BACE2: variants seen among roughly 807,000 people sequenced by gnomAD.
BACE2 encodes beta-secretase 2.
In BACE2, 17 loss-of-function variants were observed where a neutral mutation model predicts 46.2. The observed-to-expected ratio is 0.37, with a 90% CI of 0.25 to 0.55. BACE2 has a LOEUF of 0.55. Among genes scored for constraint, BACE2 ranks in the 20% least tolerant of loss-of-function variants. The probability of loss-of-function intolerance (pLI) is 0.82; values close to 1 mark genes in which losing one functional copy is unlikely to be tolerated. For missense variants in BACE2, 595 were observed against 698.1 expected (o/e 0.85, Z 1.66); for synonymous variants, 277 against 295.9 (o/e 0.94, Z 0.66).
chr21:41,257,629 C>T (rs1004262428), intron 8 of BACE2, among the ~76,000 whole-genome samples: 1 of 152,176 alleles, frequency 6.6e-6, no homozygotes, highest in Non-Finnish European at 1.5e-5. Flanking sequence ...AATTTTTCGA[C>T]AGTTTAAGCA....
intron 2 of BACE2, among the ~76,000 whole-genome samples, chr21:41,235,854 A>AAATGAATGAATG (rs150387265): frequency 0.014 from 2,101 of 151,646 alleles, 46 homozygotes; most frequent in African/African-American, 0.046. Context: ...AAGAAATAAT[A>AAATGAATGAATG]AATGAATGAA....
intron 8 of BACE2, among the ~76,000 whole-genome samples, chr21:41,271,017 C>T (rs2088429112): frequency 1.3e-5 from 2 of 151,934 alleles, no homozygotes; most frequent in Non-Finnish European, 2.9e-5. Context: ...ATTTTTATGT[C>T]CTATTTATGA....
At chr21:41,256,723 C>T (rs1308234962) in intron 7 of BACE2, among the ~76,000 whole-genome samples, 1 of 152,180 alleles carries the variant, frequency 6.6e-6, no homozygotes, top group African/African-American at 2.4e-5. Flanking sequence ...ATTGATGTCT[C>T]ATGTCTCTCA....
intron 8 of BACE2, among the ~76,000 whole-genome samples, chr21:41,259,805 T>G (rs1250415889): frequency 6.7e-6 from 1 of 149,310 alleles, no homozygotes; most frequent in Non-Finnish European, 1.5e-5. Context: ...TTTCTTTCTT[T>G]TGTTTTCTTT....
At chr21:41,226,778 A>G (rs1986831502) in intron 2 of BACE2, among the ~76,000 whole-genome samples, 1 of 152,122 alleles carries the variant, frequency 6.6e-6, no homozygotes, top group Non-Finnish European at 1.5e-5. Context: ...AGCTGAAGGG[A>G]TACATGGAAA....
intron 1 of BACE2, among the ~76,000 whole-genome samples, chr21:41,221,964 G>T (rs968915308): frequency 1.4e-4 from 21 of 152,220 alleles, no homozygotes; most frequent in African/African-American, 5.1e-4. Flanking sequence ...GGCGGAGGCA[G>T]CAGGAGCTGT....
chr21:41,235,418 C>T (rs146633719), intron 2 of BACE2, among the ~76,000 whole-genome samples: 1 of 152,344 alleles, frequency 6.6e-6, no homozygotes, highest in Non-Finnish European at 1.5e-5. Context: ...ACATCACGAC[C>T]ATCCTGGCAC....
In BACE2 at chr21:41,168,686, C is replaced by T. The variant is rs1340871559; in HGVS notation, c.312+111C>T. On this transcript the variant is annotated intron_variant, in intron 1 of 8. Transcript: ENST00000330333. ...TCGCCCCCAAAGCAGCAGCTGTCCC[C>T]GCACAGAAGAGCGGGGAACGCAGAG... The T allele has an allele frequency of 6.0e-6, 5 of 834,810 alleles. No individual in the cohort carries two copies. The African/African-American group carries it at 8.9e-5, about 15-fold the overall frequency. 51.7% of individuals were successfully genotyped at this position (834,810 alleles called of 1,614,324 possible).
chr21:41,246,900 C>T (rs1987485480), intron 6 of BACE2, among the ~76,000 whole-genome samples: 3 of 152,144 alleles, frequency 2.0e-5, no homozygotes, highest in Admixed American at 1.3e-4. Flanking sequence ...GGGTCAAATG[C>T]TTGGTGTTTA....
rs563603374 is a variant in BACE2 at position 41,220,185 on chromosome 21, T to C, written c.313-6081T>C. Among the ~76,000 whole-genome samples, 3 of 151,862 alleles carry C rather than the reference T, an allele frequency of 2.0e-5. No individual in the cohort carries two copies. The South Asian group carries it at 6.3e-4, about 32-fold the overall frequency. On this transcript the variant is annotated intron_variant, in intron 1 of 8. Transcript: ENST00000330333. ...ATGAAGAGATGTGTAGGTTGAGGTA[T>C]AGGGGGACAGGTACAGAACTTCCGT...
intron 8 of BACE2, among the ~76,000 whole-genome samples, chr21:41,262,657 C>A (rs920072237): frequency 1.6e-4 from 25 of 152,112 alleles, no homozygotes; most frequent in African/African-American, 6.0e-4. Context: ...TGTACCAGAT[C>A]TTTTCATTTA....
In BACE2 at chr21:41,275,908, G is replaced by T; in HGVS notation, c.*284G>T. Reference sequence around the variant, plus strand: ...TCTATGGGGTTCGTTATGCCAAAGTGTCTACATGTGCCACCAACATAAAAC... The same window carrying T: ...TCTATGGGGTTCGTTATGCCAAAGTTTCTACATGTGCCACCAACATAAAAC... On this transcript the variant is annotated 3_prime_UTR_variant, in exon 9 of 9. Coordinates refer to ENST00000330333, the MANE Select transcript of BACE2 (RefSeq NM_012105.5). 1 of 400,910 alleles carries T rather than the reference G, an allele frequency of 2.5e-6. No individual in the cohort carries two copies. The highest frequency in any genetic ancestry group is 3.8e-5 in the South Asian group (1 of 26,242). The allele number at this position is 400,910 out of a possible 1,614,324, so 24.8% of individuals were successfully genotyped here.
intron 7 of BACE2, 45 bp from the exon 8 acceptor site, chr21:41,257,113 T>A: frequency 6.2e-7 from 1 of 1,611,760 alleles, no homozygotes; most frequent in Non-Finnish European, 8.5e-7. Flanking sequence ...ACTGCCTGAT[T>A]TGTGCTTTTT....
At chr21:41,168,627 G>A in intron 1 of BACE2, 52 bp downstream of exon 1, 1 of 1,255,948 alleles carries the variant, frequency 8.0e-7, no homozygotes. Context: ...TGGAGGGAGG[G>A]GGCTGTCCAG....
intron 7 of BACE2, 98 bp from the exon 8 acceptor site, chr21:41,257,059 TG>T: frequency 7.2e-7 from 1 of 1,396,742 alleles, no homozygotes; most frequent in Non-Finnish European, 1.0e-6. Flanking sequence ...CCCCAGCGCC[TG>T]GGAGGGTCCT....
intron 7 of BACE2, 53 bp from the exon 8 acceptor site, chr21:41,257,105 T>G: frequency 6.2e-7 from 1 of 1,608,938 alleles, no homozygotes; most frequent in Non-Finnish European, 8.5e-7. Flanking sequence ...TTTGTGATAC[T>G]GCCTGATTTG....
chr21:41,212,851 T>C (rs2123549936), intron 1 of BACE2, among the ~76,000 whole-genome samples: 1 of 152,368 alleles, frequency 6.6e-6, no homozygotes, highest in Admixed American at 6.5e-5. Context: ...TAGCTTTGCT[T>C]ATACTTGGAC....
At position 41,275,732 on chromosome 21, in the gene BACE2, C is replaced by G; in HGVS notation, c.*108C>G. The G allele has an allele frequency of 7.4e-7, 1 of 1,344,828 alleles. No individual in the cohort carries two copies. Among genetic ancestry groups the G allele is most frequent in the Non-Finnish European group, 1.0e-6 (1 of 989,196 alleles). 83.3% of individuals were successfully genotyped at this position (1,344,828 alleles called of 1,614,324 possible). ...GGCGCTTTCTCCTGTGCCCACCCGT[C>G]TTCAATCTCTGTTCTGCTCCCAGAT... On this transcript the variant is annotated 3_prime_UTR_variant, in exon 9 of 9. Transcript: ENST00000330333.
At chr21:41,202,096 A>G (rs930031981) in intron 1 of BACE2, among the ~76,000 whole-genome samples, 1 of 152,228 alleles carries the variant, frequency 6.6e-6, no homozygotes, top group African/African-American at 2.4e-5. Context: ...AGTTTTCACT[A>G]TAAATTATTT....
Sources: gnomAD v4.1 joint callset for allele counts (sites outside exome capture counted in the v4.1 genomes callset) on GRCh38, gnomAD v4.1.1 for gene constraint, MANE v1.5 for transcripts, NCBI Gene and HGNC (gene_info 2026-07-23, HGNC 2026-07-21) for gene names.